SYT17: variants seen among roughly 807,000 people sequenced by gnomAD.
SYT17 encodes the protein synaptotagmin 17.
In SYT17, 22 loss-of-function variants were observed where a neutral mutation model predicts 46.7. The observed-to-expected ratio is 0.47, with a 90% CI of 0.34 to 0.67. The LOEUF is 0.67. Ranked by LOEUF, SYT17 falls within the 30% of genes least tolerant of loss-of-function variation. SYT17 has a pLI of 0.01. For missense variants in SYT17, 519 were observed against 612.8 expected, an observed-to-expected ratio of 0.85 and a Z score of 1.62; for synonymous variants, 251 against 248.4, an observed-to-expected ratio of 1.01 and a Z score of -0.10.
At chr16:19,236,770 A>G (rs1966854382) in intron 7 of SYT17, among the ~76,000 whole-genome samples, 1 of 152,184 alleles carries the variant, frequency 6.6e-6, no homozygotes. Context: ...TGACAATGCA[A>G]ACAGTATAGC....
chr16:19,168,527 G>A lies in SYT17; in HGVS notation c.-120G>A, dbSNP rs1406345294. ...CATCAGCCACGCCAGTCACGTCTGGGGCCACCGGCTGCCTTTTTCTTCCTT... is the reference window on the plus strand; with the variant it reads ...CATCAGCCACGCCAGTCACGTCTGGAGCCACCGGCTGCCTTTTTCTTCCTT... On this transcript the variant is annotated 5_prime_UTR_variant, in exon 1 of 8. Coordinates refer to ENST00000355377, the MANE Select transcript of SYT17 (RefSeq NM_016524.4). This position sits in a 1 kb window ranked among gnomAD's most constrained non-coding sequence, Gnocchi z 6.9. 10 of 1,426,014 alleles carry A rather than the reference G, an allele frequency of 7.0e-6. No homozygotes were observed. Among genetic ancestry groups the A allele is most frequent in the African/African-American group, 2.9e-5 (2 of 68,498 alleles). The allele number at this position is 1,426,014 out of a possible 1,614,324, so 88.3% of individuals were successfully genotyped here.
At position 19,183,835 on chromosome 16, in the gene SYT17, T is replaced by A. The variant is rs1567201592; in HGVS notation, c.639T>A (p.Pro213=). 1 of 1,614,004 alleles carries A rather than the reference T, an allele frequency of 6.2e-7. No individual in the cohort carries two copies. Among genetic ancestry groups the A allele is most frequent in the Non-Finnish European group, 8.5e-7 (1 of 1,180,040 alleles). Residue 213 remains proline, a synonymous_variant, in exon 5 of 8, where the codon CCT becomes CCA. Coordinates refer to ENST00000355377, the MANE Select transcript of SYT17 (RefSeq NM_016524.4). This position sits in a 1 kb window ranked among gnomAD's most constrained non-coding sequence, Gnocchi z 5.6. The part of the protein sequence containing the change: ...VRVIEARDLP[P]PISHDGSRQD... ...TGATCGAGGCCAGGGACCTGCCACC[T>A]CCCATCTCCCACGATGGCTCGCGCC...
chr16:19,193,337 T>C (rs1965102863), intron 5 of SYT17, among the ~76,000 whole-genome samples: 1 of 152,232 alleles, frequency 6.6e-6, no homozygotes, highest in African/African-American at 2.4e-5. Context: ...CAAAGCCAGA[T>C]TGCCCACTGA....
intron 3 of SYT17, among the ~76,000 whole-genome samples, chr16:19,178,582 A>G (rs1444483428): frequency 1.3e-5 from 2 of 152,176 alleles, no homozygotes; most frequent in African/African-American, 4.8e-5. Flanking sequence ...ATGAGCCACC[A>G]TGCCTAGCTC....
In SYT17 at chr16:19,244,320, C is replaced by T. The variant is rs1029702500; in HGVS notation, c.1228+19482C>T. 2.0e-5 allele frequency among the ~76,000 whole-genome samples: 3 copies of T among 148,542 alleles called. No homozygotes were observed. The Admixed American group carries it at 2.1e-4, about 10-fold the overall frequency. On this transcript the variant is annotated intron_variant, in intron 7 of 7. Coordinates refer to ENST00000355377, the MANE Select transcript of SYT17 (RefSeq NM_016524.4). ...GTTTTGTGGTTTGACACCACAGAAG[C>T]TTATTTCTTTTCTTTATTATTATTT...
rs774070870 is a variant in SYT17, at chr16:19,232,999, C to T, written c.1228+8161C>T. On this transcript the variant is annotated intron_variant, in intron 7 of 7. Transcript: ENST00000355377. ...AACAGATAAACTGAATCAACCCAGGCGTCTGGGTTTTTTGGGGTTTTGGAA... is the reference window on the plus strand; with the variant it reads ...AACAGATAAACTGAATCAACCCAGGTGTCTGGGTTTTTTGGGGTTTTGGAA... Among the ~76,000 whole-genome samples the T allele has an allele frequency of 3.9e-5, 6 of 152,218 alleles. No individual in the cohort carries two copies. The South Asian group carries it at 6.2e-4, about 16-fold the overall frequency.
intron 7 of SYT17, among the ~76,000 whole-genome samples, chr16:19,260,010 G>T (rs1394107264): frequency 6.6e-6 from 1 of 152,104 alleles, no homozygotes; most frequent in African/African-American, 2.4e-5. Flanking sequence ...ACTGGGGAGT[G>T]TGTGGGGTGA....
chr16:19,200,853 C>G (rs1024434956), intron 5 of SYT17, among the ~76,000 whole-genome samples: 3 of 152,240 alleles, frequency 2.0e-5, no homozygotes. Context: ...GCTTCTGTCC[C>G]TGCTGGTGAC....
chr16:19,245,762 G>A (rs1209390681), intron 7 of SYT17, among the ~76,000 whole-genome samples: 1 of 152,200 alleles, frequency 6.6e-6, no homozygotes, highest in African/African-American at 2.4e-5. Context: ...TGGGCAGATG[G>A]ACTGCAGCTC....
intron 5 of SYT17, among the ~76,000 whole-genome samples, chr16:19,189,535 A>G (rs1964931567): frequency 1.3e-5 from 2 of 152,202 alleles, no homozygotes; most frequent in South Asian, 2.1e-4. Context: ...TTTTTTGTAG[A>G]GATGGAGTCT....
At chr16:19,210,076 TTATTA>T in intron 5 of SYT17, among the ~76,000 whole-genome samples, 1 of 130,854 alleles carries the variant, frequency 7.6e-6, no homozygotes, top group Non-Finnish European at 1.7e-5. Context: ...TTATTATATT[TTATTA>T]TTTTATTTTT....
chr16:19,189,636 C>G (rs1290261341), intron 5 of SYT17, among the ~76,000 whole-genome samples: 2 of 152,206 alleles, frequency 1.3e-5, no homozygotes, highest in African/African-American at 4.8e-5. Flanking sequence ...AGACGTGAGC[C>G]AGAATAGCTG....
At position 19,224,935 on chromosome 16, in the gene SYT17, A is replaced by T. The variant is rs936544599; in HGVS notation, c.1228+97A>T. ...CATCTAGAGAGAGTTACATTTAAGAACGTAATGTCTGGCATTCAACTACCT... is the reference window on the plus strand; with the variant it reads ...CATCTAGAGAGAGTTACATTTAAGATCGTAATGTCTGGCATTCAACTACCT... On this transcript the variant is annotated intron_variant, in intron 7 of 7. Transcript: ENST00000355377. The T allele has an allele frequency of 2.8e-6, 4 of 1,414,002 alleles. No homozygotes were observed. In the South Asian group the frequency reaches 5.1e-5, roughly 18 times the overall value. 87.6% of individuals were successfully genotyped at this position (1,414,002 alleles called of 1,614,324 possible).
intron 5 of SYT17, among the ~76,000 whole-genome samples, chr16:19,207,484 G>C (rs113790800): frequency 0.014 from 2,145 of 152,160 alleles, 56 homozygotes; most frequent in African/African-American, 0.049. Context: ...GGAAGGCAAG[G>C]GGGGGAAAGA....
chr16:19,193,127 G>A (rs1397862313), intron 5 of SYT17, among the ~76,000 whole-genome samples: 1 of 152,256 alleles, frequency 6.6e-6, no homozygotes, highest in African/African-American at 2.4e-5. Flanking sequence ...TGGATGTTGT[G>A]ATGGTTTCAT....
rs1167430101 is a variant in SYT17 at position 19,223,072 on chromosome 16, C to G, written c.979C>G (p.Leu327Val). ...QNEVELGELL[L>V]SLNYLPSAGR... ...TGAAGTGGAGCTGGGGGAGCTGCTT[C>G]TGTCACTGAATTATCTCCCAAGTGC... The change falls in exon 6 of 8, where the codon CTG becomes GTG. Residue 327 changes from leucine to valine, a missense_variant. Coordinates refer to ENST00000355377, the MANE Select transcript of SYT17 (RefSeq NM_016524.4). The G allele has an allele frequency of 1.2e-6, 2 of 1,613,958 alleles. No homozygotes were observed. Among genetic ancestry groups the G allele is most frequent in the Non-Finnish European group, 1.7e-6 (2 of 1,179,986 alleles).
chr16:19,188,224 T>C (rs572423158), intron 5 of SYT17, among the ~76,000 whole-genome samples: 2 of 152,108 alleles, frequency 1.3e-5, no homozygotes, highest in South Asian at 4.2e-4. Context: ...CTCAGCAAAC[T>C]AACACAGGAA....
At chr16:19,242,952 G>C (rs1164560245) in intron 7 of SYT17, among the ~76,000 whole-genome samples, 1 of 152,134 alleles carries the variant, frequency 6.6e-6, no homozygotes, top group Admixed American at 6.6e-5. Context: ...TGACATGCAT[G>C]CAAGGACTTA....
intron 5 of SYT17, among the ~76,000 whole-genome samples, chr16:19,203,621 C>T (rs1239465791): frequency 1.3e-5 from 2 of 152,196 alleles, no homozygotes; most frequent in Non-Finnish European, 2.9e-5. Flanking sequence ...GTGAAGGGCT[C>T]GCAGTCTAGG....
Sources: gnomAD v4.1 joint callset for allele counts (sites outside exome capture counted in the v4.1 genomes callset) on GRCh38, gnomAD v4.1.1 for gene constraint, Gnocchi (gnomAD v3.1) non-coding constraint, MANE v1.5 for transcripts, NCBI Gene and HGNC (gene_info 2026-07-23, HGNC 2026-07-21) for gene names.